Variants in PHLDB2 observed in about 807,000 individuals in gnomAD.
The protein encoded by PHLDB2 is pleckstrin homology like domain family B member 2.
In PHLDB2, 71 loss-of-function variants were observed where a neutral mutation model predicts 123.6. The ratio of observed to expected loss-of-function variants is 0.57; its 90% CI spans 0.47 to 0.70. The LOEUF (loss-of-function observed/expected upper bound fraction) is 0.70. Among genes scored for constraint, PHLDB2 ranks in the 30% least tolerant of loss-of-function variants. The pLI is 0.00. For missense variants in PHLDB2, 1,446 were observed against 1,519.5 expected (o/e 0.95, Z 0.80); for synonymous variants, 547 against 541.6 (o/e 1.01, Z -0.14).
intron 2 of PHLDB2, among the ~76,000 whole-genome samples, chr3:111,901,155 T>G (rs1006207591): frequency 3.9e-5 from 6 of 152,154 alleles, no homozygotes; most frequent in South Asian, 4.2e-4. Flanking sequence ...GTCAGGAGAT[T>G]GAGACCATCC....
chr3:111,758,618 C>T (rs935319101), intron 1 of PHLDB2, among the ~76,000 whole-genome samples: 2 of 152,180 alleles, frequency 1.3e-5, no homozygotes, highest in Non-Finnish European at 2.9e-5. Context: ...CACTGACCTG[C>T]GCCCACTGTC....
intron 2 of PHLDB2, among the ~76,000 whole-genome samples, chr3:111,901,966 A>G (rs564441123): frequency 2.0e-5 from 3 of 152,196 alleles, no homozygotes; most frequent in Admixed American, 2.0e-4. Context: ...AATATTTTGG[A>G]GTCATTCATA....
intron 1 of PHLDB2, among the ~76,000 whole-genome samples, chr3:111,842,505 T>G (rs1242920350): frequency 2.0e-5 from 3 of 152,184 alleles, no homozygotes; most frequent in African/African-American, 7.2e-5. Context: ...TTTAGACAAA[T>G]ATATAATAAC....
chr3:111,863,426 G>A (rs2064929640), intron 1 of PHLDB2, among the ~76,000 whole-genome samples: 1 of 152,236 alleles, frequency 6.6e-6, no homozygotes. Flanking sequence ...ATATGGAAAT[G>A]AGCAAGTGTT....
chr3:111,963,932 A>G (rs193203614), intron 13 of PHLDB2, among the ~76,000 whole-genome samples: 2 of 152,260 alleles, frequency 1.3e-5, no homozygotes, highest in East Asian at 1.9e-4. Context: ...CTTATTTTCC[A>G]TCATAATAAT....
At chr3:111,774,370 G>A (rs1344055975) in intron 1 of PHLDB2, among the ~76,000 whole-genome samples, 1 of 152,030 alleles carries the variant, frequency 6.6e-6, no homozygotes, top group Non-Finnish European at 1.5e-5. Context: ...AAGTCAGACA[G>A]AAAAAAAATT....
Position 111,932,205 on chromosome 3 carries a change from C to T in PHLDB2, c.2002-64C>T, listed in dbSNP as rs536989114. ...GTTTATGTTATCCTTGAGAAATGTT[C>T]ACTAGCACCTGCTTGGGGGTGTGAA... On this transcript the variant is annotated intron_variant, in intron 5 of 17. Transcript: ENST00000431670. 6.0e-6 allele frequency: 9 copies of T among 1,501,260 alleles called. No homozygotes were observed. In the South Asian group the frequency reaches 1.0e-4, roughly 17 times the overall value. The allele number at this position is 1,501,260 out of a possible 1,614,324, so 93.0% of individuals were successfully genotyped here. A position where few individuals can be genotyped will look rare whatever the true frequency, so the allele number is the denominator to read the frequency against.
intron 1 of PHLDB2, among the ~76,000 whole-genome samples, chr3:111,874,538 G>A (rs1333438608): frequency 2.6e-5 from 4 of 152,124 alleles, no homozygotes; most frequent in Non-Finnish European, 2.9e-5. Context: ...CAGGAGTGGG[G>A]GTTAACAAAG....
chr3:111,764,639 T>C (rs2060049410), intron 1 of PHLDB2, among the ~76,000 whole-genome samples: 1 of 152,222 alleles, frequency 6.6e-6, no homozygotes. Flanking sequence ...ATGAAATTTG[T>C]GTGATGAAAT....
intron 2 of PHLDB2, among the ~76,000 whole-genome samples, chr3:111,889,196 G>GT (rs2066339178): frequency 6.6e-6 from 1 of 151,996 alleles, no homozygotes; most frequent in Non-Finnish European, 1.5e-5. Flanking sequence ...AAACATTCAA[G>GT]TTTTTTTAAA....
chr3:111,761,199 GA>G (rs1391170354), intron 1 of PHLDB2, among the ~76,000 whole-genome samples: 1,518 of 133,508 alleles, frequency 0.011, 27 homozygotes, highest in African/African-American at 0.039. Flanking sequence ...AAAAAAAAAA[GA>G]AAAAAAAAAC....
chr3:111,966,312 T>A (rs774860), intron 13 of PHLDB2, among the ~76,000 whole-genome samples: 25,658 of 152,122 alleles, frequency 0.17, 2,502 homozygotes, highest in African/African-American at 0.26. Context: ...TTGGTTTTGG[T>A]TTATTTACCT....
chr3:111,807,807 G>A (rs575845374), intron 1 of PHLDB2, among the ~76,000 whole-genome samples: 1 of 152,234 alleles, frequency 6.6e-6, no homozygotes, highest in African/African-American at 2.4e-5. Context: ...GGAGAAGGAA[G>A]AGGAATAGGA....
intron 2 of PHLDB2, among the ~76,000 whole-genome samples, chr3:111,896,913 A>G (rs1168190997): frequency 1.3e-5 from 2 of 152,202 alleles, no homozygotes; most frequent in South Asian, 2.1e-4. Flanking sequence ...GAGATTCACA[A>G]GCAATCATAG....
chr3:111,893,192 T>C (rs2066605179), intron 2 of PHLDB2, among the ~76,000 whole-genome samples: 1 of 152,078 alleles, frequency 6.6e-6, no homozygotes, highest in South Asian at 2.1e-4. Flanking sequence ...GAATGGACAA[T>C]GTTAAGAGCA....
chr3:111,774,836 G>A (rs2060239250), intron 1 of PHLDB2, among the ~76,000 whole-genome samples: 1 of 152,070 alleles, frequency 6.6e-6, no homozygotes, highest in Non-Finnish European at 1.5e-5. Context: ...CTCGGGTGTG[G>A]TTTCATTCCC....
Position 111,962,253 on chromosome 3 carries a change from C to T in PHLDB2, c.3018C>T (p.Leu1006=), listed in dbSNP as rs771466730. 7 of 1,579,656 alleles carry T rather than the reference C, an allele frequency of 4.4e-6. No homozygotes were observed. The highest frequency in any genetic ancestry group is 4.5e-5 in the East Asian group (2 of 44,250). ...ACCAGGCCTTTGATACTCTGAGCCT[C>T]GATAGCTCTGATAGCATGGAGACCA... The part of the protein sequence containing the change: ...YKDQAFDTLS[L]DSSDSMETSI... The change falls in exon 13 of 18, where the codon CTC becomes CTT. Residue 1006 remains leucine, a synonymous_variant. Coordinates refer to ENST00000431670, the MANE Select transcript of PHLDB2 (RefSeq NM_001134438.2).
chr3:111,839,036 T>C (rs960594704), intron 1 of PHLDB2, among the ~76,000 whole-genome samples: 1 of 152,210 alleles, frequency 6.6e-6, no homozygotes, highest in Non-Finnish European at 1.5e-5. Context: ...CAGATTTCTC[T>C]ACACACTCAA....
At chr3:111,888,270 C>T (rs1353009120) in intron 2 of PHLDB2, among the ~76,000 whole-genome samples, 1 of 152,022 alleles carries the variant, frequency 6.6e-6, no homozygotes, top group Admixed American at 6.6e-5. Flanking sequence ...TAGCCTCTTT[C>T]TTTTTGTAAA....
Sources: gnomAD v4.1 joint callset for allele counts (sites outside exome capture counted in the v4.1 genomes callset) on GRCh38, gnomAD v4.1.1 for gene constraint, MANE v1.5 for transcripts, NCBI Gene and HGNC (gene_info 2026-07-23, HGNC 2026-07-21) for gene names.